Variants in NFATC2 observed in about 807,000 individuals in gnomAD.
NFATC2 encodes the protein nuclear factor of activated T-cells, cytoplasmic 2.
Under a neutral mutation model 87.3 loss-of-function variants are expected in NFATC2, and 22 were observed. The observed-to-expected ratio is 0.25, with a 90% confidence interval of 0.18 to 0.36. NFATC2 has a LOEUF of 0.36. Among genes scored for constraint, NFATC2 ranks in the 10% least tolerant of loss-of-function variants. The probability of loss-of-function intolerance (pLI) is 1.00; values close to 1 mark genes in which losing one functional copy is unlikely to be tolerated. For synonymous variants in NFATC2, 565 were observed against 542.2 expected (o/e 1.04, Z -0.58); for missense variants, 1,149 against 1,259.1 (o/e 0.91, Z 1.32).
intron 9 of NFATC2, among the ~76,000 whole-genome samples, chr20:51,417,938 T>C (rs73267899): frequency 0.063 from 9,543 of 152,284 alleles, 984 homozygotes; most frequent in African/African-American, 0.21. Flanking sequence ...CAGCCCTCCC[T>C]GGTACCCGCG....
rs1172919928 is a variant in NFATC2 at position 51,480,605 on chromosome 20, G to A, written c.1333-4945C>T. Among the ~76,000 whole-genome samples, 1 of 152,182 alleles carries A rather than the reference G, an allele frequency of 6.6e-6. No homozygotes were observed. The highest frequency in any genetic ancestry group is 1.5e-5 in the Non-Finnish European group (1 of 68,032). On this transcript the variant is annotated intron_variant, in intron 3 of 10. Transcript: ENST00000371564. This position sits in a 1 kb window ranked among gnomAD's most constrained non-coding sequence, Gnocchi z 4.2. ...AGTGTGGTATAGCTGAAAGCACAAA[G>A]TTTTTCACTTTGGGTCAGACATATC... is the stretch of plus-strand genomic sequence containing the variant.
chr20:51,561,335 A>AAG lies in NFATC2; in HGVS notation c.70+1224_70+1225insCT, dbSNP rs1555822720. ...GGCTTCAATCTAGTTAAAAAAAAAA[A>AAG]AAAGAAAGAAAGAGAGAGAAAGAAA... On this transcript the variant is annotated intron_variant, in intron 1 of 10. Transcript: ENST00000414705. Among the ~76,000 whole-genome samples, 37 of 127,502 alleles carry AAG rather than the reference A, an allele frequency of 2.9e-4. 1 individual carries two copies. The highest frequency in any genetic ancestry group is 3.5e-4 in the Non-Finnish European group (22 of 62,490). 83.6% of individuals were successfully genotyped at this position (127,502 alleles called of 152,430 possible).
At chr20:51,428,723 A>G (rs1982241550) in intron 9 of NFATC2, among the ~76,000 whole-genome samples, 1 of 152,076 alleles carries the variant, frequency 6.6e-6, no homozygotes, top group Non-Finnish European at 1.5e-5. Flanking sequence ...GGGAGGGAGG[A>G]CCTGTGTGTC....
intron 3 of NFATC2, among the ~76,000 whole-genome samples, chr20:51,506,670 G>A (rs2076187126): frequency 1.3e-5 from 2 of 152,170 alleles, no homozygotes; most frequent in East Asian, 1.9e-4. Context: ...TACCAGAAGG[G>A]CAGCAGGGCC....
At chr20:51,457,886 CTTTT>C (rs11325400) in intron 5 of NFATC2, among the ~76,000 whole-genome samples, 54 of 132,904 alleles carry the variant, frequency 4.1e-4, no homozygotes, top group African/African-American at 1.1e-3. Context: ...CCTCCTCGTC[CTTTT>C]TTTTTTTTTT....
At position 51,469,786 on chromosome 20, in the gene NFATC2, G is replaced by A. The variant is rs572219692; in HGVS notation, c.1708+4194C>T. 2.6e-5 allele frequency among the ~76,000 whole-genome samples: 4 copies of A among 152,336 alleles called. No individual in the cohort carries two copies. In the South Asian group the frequency reaches 8.3e-4, roughly 32 times the overall value. Reference sequence around the variant, plus strand: ...CCAGGGAGACCAGCAGGCACCAAAAGCTGGCGGGGATGGCACCGGCGGTTT... The same window carrying A: ...CCAGGGAGACCAGCAGGCACCAAAAACTGGCGGGGATGGCACCGGCGGTTT... On this transcript the variant is annotated intron_variant, in intron 5 of 10. Coordinates refer to ENST00000371564, the MANE Select transcript of NFATC2 (RefSeq NM_012340.5).
At position 51,454,707 on chromosome 20, in the gene NFATC2, G is replaced by A; in HGVS notation, c.1709-19C>T. 1 of 1,613,404 alleles carries A rather than the reference G, an allele frequency of 6.2e-7. No individual in the cohort carries two copies. Among genetic ancestry groups the A allele is most frequent in the Non-Finnish European group, 8.5e-7 (1 of 1,179,774 alleles). Reference sequence around the variant, plus strand: ...CGCTGGGCTGCAGGCAAAAGAGAGAGAAGTCACTGTGATAAGGGGAGATGT... The same window carrying A: ...CGCTGGGCTGCAGGCAAAAGAGAGAAAAGTCACTGTGATAAGGGGAGATGT... On this transcript the variant is annotated intron_variant, in intron 5 of 10. Transcript: ENST00000371564.
In NFATC2 at chr20:51,524,926, C is replaced by A. The variant is rs1323296739; in HGVS notation, c.131-816G>T. On this transcript the variant is annotated intron_variant, in intron 1 of 10. Coordinates refer to ENST00000371564, the MANE Select transcript of NFATC2 (RefSeq NM_012340.5). The surrounding 1 kb of genome is among the most constrained non-coding windows in gnomAD (Gnocchi z 4.0). ...TTACCTGACACCCAAACTATTAGACCCAATGGATGCAGGCCGGGCGTGGTG... is the reference window on the plus strand; with the variant it reads ...TTACCTGACACCCAAACTATTAGACACAATGGATGCAGGCCGGGCGTGGTG... Among the ~76,000 whole-genome samples the A allele has an allele frequency of 1.3e-5, 2 of 152,064 alleles. No homozygotes were observed. Among genetic ancestry groups the A allele is most frequent in the African/African-American group, 4.8e-5 (2 of 41,386 alleles).
intron 1 of NFATC2, among the ~76,000 whole-genome samples, chr20:51,551,855 A>G (rs541784541): frequency 6.2e-4 from 94 of 151,158 alleles, no homozygotes; most frequent in Middle Eastern, 3.5e-3. Context: ...GTGAAACCCA[A>G]TCTCTACTAA....
At chr20:51,413,093 G>A (rs898733202) in intron 9 of NFATC2, among the ~76,000 whole-genome samples, 10 of 151,176 alleles carry the variant, frequency 6.6e-5, no homozygotes, top group Admixed American at 2.0e-4. Context: ...CATGGCACTC[G>A]GGTTTGCTGT....
chr20:51,516,261 T>A (rs1309023094), intron 3 of NFATC2, among the ~76,000 whole-genome samples: 1 of 152,178 alleles, frequency 6.6e-6, no homozygotes, highest in African/African-American at 2.4e-5. Context: ...ATCTACATGT[T>A]CACTATAGAA....
intron 1 of NFATC2, among the ~76,000 whole-genome samples, chr20:51,558,001 C>A (rs527888759): frequency 8.1e-4 from 124 of 152,156 alleles, no homozygotes; most frequent in Non-Finnish European, 1.4e-3. Context: ...CCCATCCAGG[C>A]TGGGCAGTCA....
intron 8 of NFATC2, 152 bp downstream of exon 8, chr20:51,435,036 G>A (rs1354630410): frequency 1.1e-6 from 1 of 938,914 alleles, no homozygotes; most frequent in Non-Finnish European, 1.6e-6. Flanking sequence ...CCCTTATAAG[G>A]AAGATGCTGT....
intron 2 of NFATC2, among the ~76,000 whole-genome samples, chr20:51,517,358 A>G (rs919444956): frequency 6.6e-6 from 1 of 152,052 alleles, no homozygotes; most frequent in African/African-American, 2.4e-5. Flanking sequence ...GGAAGACAAC[A>G]TGGGTGGATC....
At chr20:51,425,101 T>G (rs1351040830) in intron 9 of NFATC2, among the ~76,000 whole-genome samples, 1 of 151,742 alleles carries the variant, frequency 6.6e-6, no homozygotes, top group African/African-American at 2.4e-5. Context: ...TTGGTAATAA[T>G]GAAACAAAGG....
At chr20:51,466,074 A>T (rs1046419538) in intron 5 of NFATC2, among the ~76,000 whole-genome samples, 2 of 152,046 alleles carry the variant, frequency 1.3e-5, no homozygotes, top group African/African-American at 2.4e-5. Context: ...TTGTTTTGAG[A>T]TGGAGTCTCA....
intron 9 of NFATC2, among the ~76,000 whole-genome samples, chr20:51,425,329 G>A (rs1274757023): frequency 1.3e-5 from 2 of 152,258 alleles, no homozygotes; most frequent in African/African-American, 2.4e-5. Context: ...GTCGGCTCCA[G>A]GTGGCCATGT....
At chr20:51,533,754 A>G (rs1013913453) in intron 1 of NFATC2, among the ~76,000 whole-genome samples, 6 of 152,246 alleles carry the variant, frequency 3.9e-5, no homozygotes. Context: ...ACAAGCAATG[A>G]GGCTTGCAGA....
chr20:51,448,424 G>A (rs556014677), intron 6 of NFATC2, among the ~76,000 whole-genome samples: 57 of 152,302 alleles, frequency 3.7e-4, no homozygotes, highest in African/African-American at 1.3e-3. Context: ...GGCAGATTAC[G>A]AGGTCAGGAG....
Sources: gnomAD v4.1 joint callset for allele counts (sites outside exome capture counted in the v4.1 genomes callset) on GRCh38, gnomAD v4.1.1 for gene constraint, Gnocchi (gnomAD v3.1) non-coding constraint, MANE v1.5 for transcripts, NCBI Gene and HGNC (gene_info 2026-07-23, HGNC 2026-07-21) for gene names.